The following GCC2 variants were observed in gnomAD, a reference collection of about 807,000 sequenced individuals.
The protein encoded by GCC2 is GRIP and coiled-coil domain containing 2.
A neutral mutation model predicts 210.6 loss-of-function variants in GCC2; 120 were observed. That is an observed-to-expected ratio of 0.57 (90% confidence interval 0.49 to 0.66). The LOEUF is 0.66. GCC2 is among the 30% of genes least tolerant of loss of function. GCC2 has a pLI of 0.00. For synonymous variants in GCC2, 703 were observed against 652.7 expected (o/e 1.08, Z -1.17); for missense variants, 1,868 against 1,871.9 (o/e 1.00, Z 0.04).
rs1573350020 is a variant in GCC2 at position 108,459,594 on chromosome 2, T to TACGATTGC, written c.216+7131_216+7138dup. Among the ~76,000 whole-genome samples the TACGATTGC allele has an allele frequency of 4.6e-5, 7 of 152,130 alleles. No individual in the cohort carries two copies. In the East Asian group the frequency reaches 1.4e-3, roughly 29 times the overall value. The stretch of plus-strand genomic sequence containing the variant: ...CTGAGAGTGGGGTGAGTTTGCCCAG[T>TACGATTGC]ACGATTGCACTGGAGTCTCTCTCTC... On this transcript the variant is annotated intron_variant, in intron 4 of 22. Transcript: ENST00000309863.
At chr2:108,486,439 T>C in intron 15 of GCC2, 72 bp from the exon 16 acceptor site, 3 of 1,456,626 alleles carry the variant, frequency 2.1e-6, no homozygotes, top group Non-Finnish European at 2.9e-6. Flanking sequence ...CTAAAGTTTG[T>C]ATTTTAAGGA....
intron 4 of GCC2, among the ~76,000 whole-genome samples, chr2:108,462,410 C>T (rs1191442861): frequency 6.8e-6 from 1 of 147,552 alleles, no homozygotes; most frequent in African/African-American, 2.5e-5. Context: ...AGGAGAATGG[C>T]GTGAACCCGG....
chr2:108,460,850 T>C (rs142910182), intron 4 of GCC2, among the ~76,000 whole-genome samples: 67 of 152,318 alleles, frequency 4.4e-4, no homozygotes, highest in African/African-American at 6.3e-4. Flanking sequence ...TTTCTCATGA[T>C]AGTGAGTGAC....
intron 4 of GCC2, among the ~76,000 whole-genome samples, chr2:108,468,467 G>T (rs1304801546): frequency 6.6e-6 from 1 of 152,114 alleles, no homozygotes; most frequent in Non-Finnish European, 1.5e-5. Context: ...TGTTAAAAGA[G>T]CTGACTCTTG....
At chr2:108,503,606 A>G (rs2917980) in intron 22 of GCC2, among the ~76,000 whole-genome samples, 7 of 152,146 alleles carry the variant, frequency 4.6e-5, no homozygotes, top group African/African-American at 1.2e-4. Context: ...CAGAAGAAAG[A>G]TCTGAGAGCC....
In GCC2 at chr2:108,470,428, A is replaced by G; in HGVS notation, c.1099A>G (p.Met367Val). 2 of 1,606,874 alleles carry G rather than the reference A, an allele frequency of 1.2e-6. No homozygotes were observed. Among genetic ancestry groups the G allele is most frequent in the Non-Finnish European group, 8.5e-7 (1 of 1,174,126 alleles). The change falls in exon 6 of 23, where the codon ATG becomes GTG. Residue 367 changes from methionine to valine, a missense_variant. Physicochemically the swap from Met to Val is conservative, Grantham distance 21. This residue lies in a region of GCC2 where 1,847 missense variants were observed against 1,765.2 expected (regional missense o/e 1.05). Transcript: ENST00000309863. Reference protein sequence around the residue: ...YMNNLKLKLEMDAQHIKDEFF... With the variant: ...YMNNLKLKLEVDAQHIKDEFF... The stretch of plus-strand genomic sequence containing the variant: ...GAATAATCTTAAGTTAAAACTTGAA[A>G]TGGATGCTCAACATATAAAGGATGA...
Position 108,470,272 on chromosome 2 carries a change from A to T in GCC2, c.943A>T (p.Ile315Leu). The change falls in exon 6 of 23, where the codon ATA becomes TTA. Residue 315 changes from isoleucine to leucine, a missense_variant. Coordinates refer to ENST00000309863, the MANE Select transcript of GCC2 (RefSeq NM_181453.4). ...CTCAAATGCAAACCAAGACAATCAG[A>T]TATGTTCTATTCTCTTGCAAGAAAA... ...ATSNANQDNQ[I>L]CSILLQENTF... The T allele has an allele frequency of 6.2e-7, 1 of 1,613,666 alleles. No homozygotes were observed. The highest frequency in any genetic ancestry group is 8.5e-7 in the Non-Finnish European group (1 of 1,179,784).
chr2:108,452,691 CTTTTTTTTTTTTTTT>C (rs34444254), intron 4 of GCC2, among the ~76,000 whole-genome samples: 4 of 99,438 alleles, frequency 4.0e-5, no homozygotes, highest in Non-Finnish European at 5.8e-5. Flanking sequence ...TTTTTTCTTT[CTTTTTTTTTTTTTTT>C]TTTTTTGAGA....
In GCC2 at chr2:108,471,753, ATTAGAG is replaced by A. The variant is rs1681233861; in HGVS notation, c.2430_2435del (p.Leu811_Glu812del). 2 of 1,613,220 alleles carry A rather than the reference ATTAGAG, an allele frequency of 1.2e-6. No individual in the cohort carries two copies. The highest frequency in any genetic ancestry group is 8.5e-7 in the Non-Finnish European group (1 of 1,179,672). On this transcript the variant is annotated inframe_deletion, in exon 6 of 23. Transcript: ENST00000309863. ...TGGCTTTTCAGCGTGATGAAAAAGT[ATTAGAG>A]TTAGAAAAAGAGATTAAGTGCCTTC...
chr2:108,486,653 G>A lies in GCC2; in HGVS notation c.3930+5G>A, dbSNP rs1279613595. ...GAAGAGTGCCGTGCTGCCAAGGTGC[G>A]TTCTTCAGGGCAGCCACAGCAAGCC... On this transcript the variant is annotated splice_donor_5th_base_variant and intron_variant, in intron 16 of 22. Coordinates refer to ENST00000309863, the MANE Select transcript of GCC2 (RefSeq NM_181453.4). 6 of 1,606,348 alleles carry A rather than the reference G, an allele frequency of 3.7e-6. No homozygotes were observed. The highest frequency in any genetic ancestry group is 5.1e-6 in the Non-Finnish European group (6 of 1,176,228).
At chr2:108,482,209 A>T in intron 10 of GCC2, 78 bp from the exon 11 acceptor site, 1 of 797,152 alleles carries the variant, frequency 1.3e-6, no homozygotes, top group Non-Finnish European at 2.1e-6. Flanking sequence ...CAATATTCTC[A>T]TTAATGTACC....
At chr2:108,476,373 A>T (rs192153809) in intron 9 of GCC2, among the ~76,000 whole-genome samples, 180 of 152,158 alleles carry the variant, frequency 1.2e-3, no homozygotes, top group African/African-American at 4.3e-3. Context: ...AGTGCCTTTA[A>T]ATTGTTGTTT....
intron 4 of GCC2, among the ~76,000 whole-genome samples, chr2:108,464,696 A>G (rs1322699050): frequency 6.6e-6 from 1 of 152,066 alleles, no homozygotes; most frequent in Non-Finnish European, 1.5e-5. Flanking sequence ...CCATTTTTGC[A>G]TTGCTATGAA....
Position 108,471,359 on chromosome 2 carries a change from C to G in GCC2, c.2030C>G (p.Ser677Cys). 1.2e-6 allele frequency: 2 copies of G among 1,610,240 alleles called. No homozygotes were observed. The highest frequency in any genetic ancestry group is 1.7e-6 in the Non-Finnish European group (2 of 1,179,066). ...EKLMVQMKVL[S>C]EDKEVLSAEV... ...CTTATGGTTCAAATGAAAGTTCTCT[C>G]TGAAGACAAAGAAGTATTGTCAGCT... Residue 677 changes from serine (S) to cysteine (C), a missense_variant, in exon 6 of 23, where the codon TCT becomes TGT. By Grantham distance (112) the Ser-to-Cys change is moderately radical (BLOSUM62 -1). Coordinates refer to ENST00000309863, the MANE Select transcript of GCC2 (RefSeq NM_181453.4).
Position 108,470,041 on chromosome 2 carries a change from C to T in GCC2, c.712C>T (p.Gln238Ter). The T allele has an allele frequency of 6.2e-7, 1 of 1,612,870 alleles. No homozygotes were observed. Among genetic ancestry groups the T allele is most frequent in the South Asian group, 1.1e-5 (1 of 90,820 alleles). Residue 238 changes from glutamine to a stop codon, truncating the protein, a stop_gained, in exon 6 of 23, where the codon CAG (glutamine) becomes TAG (stop). Transcript: ENST00000309863. LOFTEE classifies it high-confidence loss of function. ...QHYQKNINSL[Q>*]EELLQLKAIH... is the part of the protein sequence containing the mutation. ...TTACCAAAAAAATATTAATAGTTTG[C>T]AGGAAGAGCTTTTACAGTTGAAAGC...
At chr2:108,502,463 C>T (rs1682971169) in intron 22 of GCC2, among the ~76,000 whole-genome samples, 1 of 152,138 alleles carries the variant, frequency 6.6e-6, no homozygotes, top group Non-Finnish European at 1.5e-5. Context: ...CTAAGATGTG[C>T]ATTTGCTAAG....
At chr2:108,460,141 G>A (rs773983773) in intron 4 of GCC2, among the ~76,000 whole-genome samples, 7 of 152,084 alleles carry the variant, frequency 4.6e-5, no homozygotes, top group Non-Finnish European at 1.0e-4. Context: ...ATGAGCCACC[G>A]TGCCTGGCCA....
At chr2:108,476,800 T>TA (rs1019717238) in intron 9 of GCC2, among the ~76,000 whole-genome samples, 1 of 151,986 alleles carries the variant, frequency 6.6e-6, no homozygotes, top group Admixed American at 6.6e-5. Flanking sequence ...TCTTAGGACT[T>TA]AAAAAAATCC....
chr2:108,449,821 T>C, intron 2 of GCC2, 132 bp downstream of exon 2: 1 of 672,876 alleles, frequency 1.5e-6, no homozygotes, highest in Non-Finnish European at 2.6e-6. Flanking sequence ...ATCTCAATTT[T>C]AGTGTGCGCA....
Sources: allele counts gnomAD v4.1 joint callset (sites outside exome capture counted in the v4.1 genomes callset), GRCh38; gene constraint gnomAD v4.1.1; regional missense constraint gnomAD v4.1.1; transcripts MANE v1.5; gene names NCBI Gene and HGNC (gene_info 2026-07-23, HGNC 2026-07-21).